Variants in PTPN14 observed in about 807,000 individuals in gnomAD.
PTPN14 encodes tyrosine-protein phosphatase non-receptor type 14.
A neutral mutation model predicts 126.8 loss-of-function variants in PTPN14; 53 were observed. That is an observed-to-expected ratio of 0.42 (90% CI 0.34 to 0.53). The LOEUF (loss-of-function observed/expected upper bound fraction) is 0.53, where lower values mean the gene tolerates loss of function less well. PTPN14 is among the 20% of genes least tolerant of loss of function. PTPN14 has a pLI of 0.08. For missense variants in PTPN14, 1,257 were observed against 1,552.9 expected, an observed-to-expected ratio of 0.81 and a Z score of 3.20; for synonymous variants, 630 against 599.3, an observed-to-expected ratio of 1.05 and a Z score of -0.75.
In PTPN14 at chr1:214,353,520, G is replaced by C. The variant is rs555788686; in HGVS notation, c.*4402C>G. 4.6e-5 allele frequency: 7 copies of C among 152,338 alleles called. No homozygotes were observed. In the East Asian group the frequency reaches 1.3e-3, roughly 29 times the overall value. The allele number at this position is 152,338 out of a possible 1,614,324, so 9.4% of individuals were successfully genotyped here. A position where few individuals can be genotyped will look rare whatever the true frequency, so the allele number is the denominator to read the frequency against. On this transcript the variant is annotated 3_prime_UTR_variant, in exon 19 of 19. Coordinates refer to ENST00000366956, the MANE Select transcript of PTPN14 (RefSeq NM_005401.5). The stretch of plus-strand genomic sequence containing the variant: ...CACCATCGAATACACCATTAGATGG[G>C]GAAAGGGAGACTAGAAGGCACATTC...
chr1:214,457,027 C>T (rs181838550), intron 2 of PTPN14, among the ~76,000 whole-genome samples: 6 of 152,260 alleles, frequency 3.9e-5, no homozygotes, highest in South Asian at 2.1e-4. Flanking sequence ...TAATTGAGTA[C>T]CCCCCAAATC....
Position 214,403,066 on chromosome 1 carries a change from A to G in PTPN14, c.511-113T>C, listed in dbSNP as rs941191881. 25 of 1,003,742 alleles carry G rather than the reference A, an allele frequency of 2.5e-5. 1 individual carries two copies. Among genetic ancestry groups the G allele is most frequent in the African/African-American group, 2.1e-4 (13 of 62,516 alleles). 62.2% of individuals were successfully genotyped at this position (1,003,742 alleles called of 1,614,324 possible). On this transcript the variant is annotated intron_variant, in intron 5 of 18. Coordinates refer to ENST00000366956, the MANE Select transcript of PTPN14 (RefSeq NM_005401.5). ...GTTCCTGATTAGTCACATTTCCTCA[A>G]TATCTCCTTTACTGCTGTAGAATTA...
chr1:214,378,190 C>A (rs1368335289), intron 13 of PTPN14, 88 bp from the exon 14 acceptor site: 3 of 1,436,612 alleles, frequency 2.1e-6, no homozygotes, highest in Non-Finnish European at 2.8e-6. Flanking sequence ...CTGTAACTCC[C>A]CAGCCAAGGA....
At chr1:214,546,642 A>C (rs1045018823) in intron 1 of PTPN14, among the ~76,000 whole-genome samples, 3 of 152,158 alleles carry the variant, frequency 2.0e-5, no homozygotes, top group African/African-American at 7.2e-5. Context: ...TCACCAAAGG[A>C]TCCCTTTCTC....
intron 8 of PTPN14, 54 bp downstream of exon 8, chr1:214,397,859 A>G: frequency 1.4e-6 from 2 of 1,419,708 alleles, no homozygotes; most frequent in Non-Finnish European, 2.0e-6. Context: ...TAACATTAAC[A>G]TTACAGTTCC....
intron 11 of PTPN14, 42 bp downstream of exon 11, chr1:214,390,946 T>C: frequency 7.1e-7 from 1 of 1,409,976 alleles, no homozygotes; most frequent in Admixed American, 2.1e-5. Context: ...CAAAGAATGC[T>C]CAACAGTCAG....
intron 1 of PTPN14, among the ~76,000 whole-genome samples, chr1:214,500,798 T>G (rs1036855513): frequency 1.3e-5 from 2 of 152,186 alleles, no homozygotes; most frequent in East Asian, 3.8e-4. Context: ...ATGACTGCCC[T>G]GACTACCCTG....
At chr1:214,442,511 C>T (rs1040524399) in intron 3 of PTPN14, among the ~76,000 whole-genome samples, 4 of 152,252 alleles carry the variant, frequency 2.6e-5, no homozygotes, top group Admixed American at 2.6e-4. Flanking sequence ...AGAACACAAA[C>T]ATTACATGAA....
intron 1 of PTPN14, among the ~76,000 whole-genome samples, chr1:214,521,317 T>C (rs959445440): frequency 6.6e-6 from 1 of 152,172 alleles, no homozygotes; most frequent in African/African-American, 2.4e-5. Flanking sequence ...CTAGCTAAGA[T>C]ATAGAAAAGA....
chr1:214,462,471 A>G (rs1660535274), intron 2 of PTPN14, among the ~76,000 whole-genome samples: 1 of 152,178 alleles, frequency 6.6e-6, no homozygotes, highest in African/African-American at 2.4e-5. Flanking sequence ...TGGATCTTTG[A>G]TAATCCAGTC....
At chr1:214,394,164 C>T (rs902600127) in intron 9 of PTPN14, among the ~76,000 whole-genome samples, 5 of 152,212 alleles carry the variant, frequency 3.3e-5, no homozygotes, top group African/African-American at 1.2e-4. Flanking sequence ...AGGAGGCACT[C>T]AACAGGAGGT....
chr1:214,515,371 G>C (rs1655074171), intron 1 of PTPN14, among the ~76,000 whole-genome samples: 1 of 151,922 alleles, frequency 6.6e-6, no homozygotes, highest in African/African-American at 2.4e-5. Flanking sequence ...GTTTATTGGA[G>C]ATTTGTAGTG....
intron 2 of PTPN14, among the ~76,000 whole-genome samples, chr1:214,457,220 A>C (rs906858616): frequency 6.6e-6 from 1 of 152,236 alleles, no homozygotes; most frequent in African/African-American, 2.4e-5. Context: ...GCTTTGGGTA[A>C]AACAGCTTTT....
intron 3 of PTPN14, among the ~76,000 whole-genome samples, chr1:214,440,438 A>G (rs1448482814): frequency 6.6e-6 from 1 of 152,220 alleles, no homozygotes; most frequent in East Asian, 1.9e-4. Context: ...ATCAGAGATG[A>G]GACAGATATT....
In PTPN14 at chr1:214,364,766, A is replaced by AGT. The variant is rs57429060; in HGVS notation, c.3272-93_3272-92dup. The stretch of plus-strand genomic sequence containing the variant: ...GGGGAGCGGAAGAGAACTGATGGTG[A>AGT]GTGTGTGTGTGTGTGTGTGTGTGTG... On this transcript the variant is annotated intron_variant, in intron 17 of 18. Coordinates refer to ENST00000366956, the MANE Select transcript of PTPN14 (RefSeq NM_005401.5). The surrounding 1 kb of genome is among the most constrained non-coding windows in gnomAD (Gnocchi z 4.1). 0.03 allele frequency: 17,835 copies of AGT among 587,126 alleles called. 243 individuals carry two copies. The highest frequency in any genetic ancestry group is 0.1 in the African/African-American group (4,589 of 44,696). 36.4% of individuals were successfully genotyped at this position (587,126 alleles called of 1,614,324 possible).
At chr1:214,487,198 A>T (rs943276479) in intron 1 of PTPN14, among the ~76,000 whole-genome samples, 1 of 151,946 alleles carries the variant, frequency 6.6e-6, no homozygotes, top group African/African-American at 2.4e-5. Flanking sequence ...TTCACATATG[A>T]CTAGAGAAAG....
chr1:214,502,601 C>T (rs1168680226), intron 1 of PTPN14, among the ~76,000 whole-genome samples: 1 of 152,094 alleles, frequency 6.6e-6, no homozygotes, highest in African/African-American at 2.4e-5. Flanking sequence ...TCAAGTAACC[C>T]TCCCACCTCA....
At chr1:214,499,136 C>T (rs777986601) in intron 1 of PTPN14, among the ~76,000 whole-genome samples, 16 of 152,202 alleles carry the variant, frequency 1.1e-4, no homozygotes, top group Middle Eastern at 3.4e-3. Context: ...ATTACACTAA[C>T]AGGAGTTTAT....
chr1:214,391,608 G>A (rs933560445), intron 10 of PTPN14, among the ~76,000 whole-genome samples: 2 of 150,792 alleles, frequency 1.3e-5, no homozygotes, highest in African/African-American at 2.4e-5. Context: ...AAATGAATTG[G>A]AAGTATTAGC....
Sources: gnomAD v4.1 joint callset for allele counts (sites outside exome capture counted in the v4.1 genomes callset) on GRCh38, gnomAD v4.1.1 for gene constraint, Gnocchi (gnomAD v3.1) non-coding constraint, MANE v1.5 for transcripts, NCBI Gene and HGNC (gene_info 2026-07-23, HGNC 2026-07-21) for gene names.